The following FHIT variants were observed in gnomAD, a reference collection of about 807,000 sequenced individuals.
The protein encoded by FHIT is fragile histidine triad diadenosine triphosphatase, also known as bis(5'-adenosyl)-triphosphatase.
In FHIT, 19 loss-of-function variants were observed where a neutral mutation model predicts 17.9. The ratio of observed to expected loss-of-function variants is 1.06; its 90% CI spans 0.74 to 1.56. The LOEUF (loss-of-function observed/expected upper bound fraction) is 1.56, where lower values mean the gene tolerates loss of function less well. Among genes scored for constraint, FHIT ranks in the 40% most tolerant of loss-of-function variants. FHIT has a pLI of 0.00. For synonymous variants in FHIT, 81 were observed against 69.7 expected (o/e 1.16, Z -0.81); for missense variants, 248 against 189.2 (o/e 1.31, Z -1.82).
chr3:60,357,140 A>G (rs1026241888), intron 5 of FHIT, among the ~76,000 whole-genome samples: 1 of 152,236 alleles, frequency 6.6e-6, no homozygotes, highest in African/African-American at 2.4e-5. Flanking sequence ...TCAAGTGATT[A>G]AGAAACTCCG....
At chr3:60,179,827 A>C (rs1701844730) in intron 5 of FHIT, among the ~76,000 whole-genome samples, 1 of 152,166 alleles carries the variant, frequency 6.6e-6, no homozygotes, top group African/African-American at 2.4e-5. Context: ...TGGTCTCTCT[A>C]AACGGGTTCT....
At chr3:60,521,523 A>G (rs1200935097) in intron 5 of FHIT, among the ~76,000 whole-genome samples, 1 of 152,186 alleles carries the variant, frequency 6.6e-6, no homozygotes, top group African/African-American at 2.4e-5. Context: ...CTGGGATTAC[A>G]GGCATGAGCC....
chr3:60,942,865 G>C (rs2107425044), intron 3 of FHIT, among the ~76,000 whole-genome samples: 2 of 152,020 alleles, frequency 1.3e-5, no homozygotes, highest in Middle Eastern at 6.9e-3. Flanking sequence ...ATACCTCTTT[G>C]TGTCCCACAA....
intron 3 of FHIT, among the ~76,000 whole-genome samples, chr3:61,011,056 T>C (rs1048742195): frequency 6.6e-6 from 1 of 152,238 alleles, no homozygotes; most frequent in African/African-American, 2.4e-5. Flanking sequence ...TTCCTTTCTT[T>C]CCACAAGGTG....
At chr3:59,965,648 T>G (rs1463266306) in intron 7 of FHIT, among the ~76,000 whole-genome samples, 2 of 152,288 alleles carry the variant, frequency 1.3e-5, no homozygotes, top group East Asian at 1.9e-4. Flanking sequence ...GAGTTTAGGT[T>G]TATTAGATTT....
chr3:61,054,687 C>A (rs60746884), intron 2 of FHIT, among the ~76,000 whole-genome samples: 16,056 of 152,174 alleles, frequency 0.11, 1,031 homozygotes, highest in African/African-American at 0.16. Context: ...CAAGCCAGAT[C>A]TAGACATTTC....
At chr3:60,171,146 T>G (rs932008691) in intron 5 of FHIT, among the ~76,000 whole-genome samples, 1 of 152,228 alleles carries the variant, frequency 6.6e-6, no homozygotes, top group Non-Finnish European at 1.5e-5. Flanking sequence ...CTTGCTTTTC[T>G]TTTTGAAATT....
At chr3:60,707,229 G>C (rs2041396349) in intron 4 of FHIT, among the ~76,000 whole-genome samples, 1 of 152,144 alleles carries the variant, frequency 6.6e-6, no homozygotes, top group African/African-American at 2.4e-5. Flanking sequence ...GTTAAGTAAA[G>C]GATGTGAAAA....
intron 5 of FHIT, among the ~76,000 whole-genome samples, chr3:60,434,144 A>G (rs2029990596): frequency 6.6e-6 from 1 of 152,086 alleles, no homozygotes; most frequent in Non-Finnish European, 1.5e-5. Context: ...CAATTACTTT[A>G]ATGACAGTGG....
chr3:60,339,014 T>A (rs768244168), intron 5 of FHIT, among the ~76,000 whole-genome samples: 1 of 152,152 alleles, frequency 6.6e-6, no homozygotes, highest in African/African-American at 2.4e-5. Flanking sequence ...GAAGATACCA[T>A]CTGGCATATA....
At chr3:60,500,357 C>T (rs2034473856) in intron 5 of FHIT, among the ~76,000 whole-genome samples, 1 of 152,194 alleles carries the variant, frequency 6.6e-6, no homozygotes, top group South Asian at 2.1e-4. Context: ...AAAGTACAGT[C>T]ATTGCTTTTA....
Position 60,485,249 on chromosome 3 carries a change from T to G in FHIT, c.103+51611A>C, listed in dbSNP as rs191260590. Among the ~76,000 whole-genome samples, 228 of 152,316 alleles carry G rather than the reference T, an allele frequency of 1.5e-3. 1 individual carries two copies. The highest frequency in any genetic ancestry group is 2.6e-3 in the Non-Finnish European group (175 of 68,020). ...CCTCTGTGGGAAGACAGTATAGTGATTCCTCAAGGATCTAGAACAGAAATA... is the reference window on the plus strand; with the variant it reads ...CCTCTGTGGGAAGACAGTATAGTGAGTCCTCAAGGATCTAGAACAGAAATA... On this transcript the variant is annotated intron_variant, in intron 5 of 9. Coordinates refer to ENST00000492590, the MANE Select transcript of FHIT (RefSeq NM_002012.4).
chr3:60,989,549 A>T (rs1157279402), intron 3 of FHIT, among the ~76,000 whole-genome samples: 2 of 152,226 alleles, frequency 1.3e-5, no homozygotes, highest in Non-Finnish European at 2.9e-5. Flanking sequence ...CACAATTATT[A>T]TTCTGCTTAT....
At chr3:59,859,888 T>A (rs1702334233) in intron 8 of FHIT, among the ~76,000 whole-genome samples, 1 of 152,218 alleles carries the variant, frequency 6.6e-6, no homozygotes, top group Non-Finnish European at 1.5e-5. Flanking sequence ...TGAATGGTAG[T>A]GCTGTATCAG....
At chr3:60,177,750 G>A (rs1382295200) in intron 5 of FHIT, among the ~76,000 whole-genome samples, 3 of 152,172 alleles carry the variant, frequency 2.0e-5, no homozygotes, top group African/African-American at 4.8e-5. Flanking sequence ...CTACCTTTCA[G>A]GTTCAGCTAA....
intron 4 of FHIT, chr3:60,730,018 C>G: frequency 2.7e-6 from 1 of 373,382 alleles, no homozygotes; most frequent in Non-Finnish European, 5.3e-6. Flanking sequence ...AAACAGTAAA[C>G]TATGAGTTTG....
intron 2 of FHIT, among the ~76,000 whole-genome samples, chr3:61,139,959 G>C (rs1031291929): frequency 1.3e-5 from 2 of 148,652 alleles, no homozygotes; most frequent in African/African-American, 2.5e-5. Context: ...GACAACCTAA[G>C]TATTTAACTC....
intron 7 of FHIT, among the ~76,000 whole-genome samples, chr3:59,926,553 C>G (rs1217047437): frequency 6.6e-6 from 1 of 152,094 alleles, no homozygotes; most frequent in African/African-American, 2.4e-5. Context: ...GGAAGAGAAG[C>G]AGGACTCAAT....
intron 5 of FHIT, among the ~76,000 whole-genome samples, chr3:60,105,179 C>T (rs887222992): frequency 2.0e-5 from 3 of 152,106 alleles, no homozygotes; most frequent in African/African-American, 7.2e-5. Flanking sequence ...TACGGCTTCA[C>T]TTAACAAGGA....
Sources: allele counts gnomAD v4.1 joint callset (sites outside exome capture counted in the v4.1 genomes callset), GRCh38; gene constraint gnomAD v4.1.1; transcripts MANE v1.5; gene names NCBI Gene and HGNC (gene_info 2026-07-23, HGNC 2026-07-21).